The following RTN3 variants were observed in gnomAD, a reference collection of about 807,000 sequenced individuals.
RTN3 encodes the protein reticulon-3.
RTN3 carries 49 observed loss-of-function variants against 77.8 expected under a neutral mutation model. The observed-to-expected ratio is 0.63, with a 90% CI of 0.50 to 0.80. RTN3 has a LOEUF of 0.80. Ranked by LOEUF, RTN3 falls within the 30% of genes least tolerant of loss-of-function variation. The pLI is 0.00. For missense variants in RTN3, 1,236 were observed against 1,211.9 expected (o/e 1.02, Z -0.29); for synonymous variants, 464 against 446.9 (o/e 1.04, Z -0.48).
At chr11:63,700,458 AT>A (rs1237737838) in intron 1 of RTN3, among the ~76,000 whole-genome samples, 1 of 146,414 alleles carries the variant, frequency 6.8e-6, no homozygotes, top group Admixed American at 6.8e-5. Context: ...TTTTTTTTTA[AT>A]TTTTTGTGGA....
At chr11:63,744,529 AGTGC>A (rs2013683945) in intron 3 of RTN3, among the ~76,000 whole-genome samples, 2 of 152,182 alleles carry the variant, frequency 1.3e-5, no homozygotes, top group African/African-American at 4.8e-5. Context: ...AGTGTGGTAC[AGTGC>A]TTAGTATTTG....
chr11:63,704,621 A>G (rs978505005), intron 1 of RTN3, among the ~76,000 whole-genome samples: 1 of 139,448 alleles, frequency 7.2e-6, no homozygotes, highest in Non-Finnish European at 1.5e-5. Flanking sequence ...ATGTTTGACT[A>G]AAAAAAAAAA....
chr11:63,758,150 C>A lies in RTN3; in HGVS notation c.3054-6C>A. The A allele has an allele frequency of 1.3e-6, 2 of 1,581,344 alleles. No homozygotes were observed. The highest frequency in any genetic ancestry group is 1.2e-5 in the South Asian group (1 of 86,230). On this transcript the variant is annotated splice_region_variant and splice_polypyrimidine_tract_variant and intron_variant, in intron 8 of 8. Transcript: ENST00000377819. The stretch of plus-strand genomic sequence containing the variant: ...TTCTTTCTTTTTCCCCTCCTTTTCT[C>A]AATAGGATCCAAGCAAAACTCCCTG...
chr11:63,725,760 A>G (rs2012217668), intron 3 of RTN3, among the ~76,000 whole-genome samples: 1 of 152,048 alleles, frequency 6.6e-6, no homozygotes, highest in Admixed American at 6.6e-5. Flanking sequence ...CCTTAAGTTA[A>G]CGTTGTTATA....
chr11:63,691,039 C>T (rs2134641100), intron 1 of RTN3, among the ~76,000 whole-genome samples: 1 of 151,672 alleles, frequency 6.6e-6, no homozygotes, highest in African/African-American at 2.4e-5. Flanking sequence ...TCCCTCCCCT[C>T]AATTCTCTGA....
At chr11:63,682,322 G>GTT (rs201365679) in intron 1 of RTN3, among the ~76,000 whole-genome samples, 1 of 151,884 alleles carries the variant, frequency 6.6e-6, no homozygotes, top group African/African-American at 2.4e-5. Flanking sequence ...ATTGTAGCCT[G>GTT]TTTTTTTTGT....
At chr11:63,755,875 C>A (rs973524463) in intron 7 of RTN3, among the ~76,000 whole-genome samples, 1 of 151,540 alleles carries the variant, frequency 6.6e-6, no homozygotes, top group African/African-American at 2.4e-5. Context: ...AGGAGAATGG[C>A]GTGAACCCGG....
chr11:63,732,109 T>C (rs2012736368), intron 3 of RTN3, among the ~76,000 whole-genome samples: 1 of 151,786 alleles, frequency 6.6e-6, no homozygotes. Flanking sequence ...AAACAAACAA[T>C]AGAAAAAATT....
At chr11:63,710,091 A>G (rs1412712393) in intron 2 of RTN3, among the ~76,000 whole-genome samples, 1 of 152,228 alleles carries the variant, frequency 6.6e-6, no homozygotes, top group Non-Finnish European at 1.5e-5. Flanking sequence ...ATAGATGAGT[A>G]CTAAATCTTT....
rs748850566 is a variant in RTN3, at chr11:63,753,755, C to CTGGCACATTTG, written c.2994+48_2994+49insGGCACATTTGT. ...ATCAAATGTGCCAGTTGATGTATGA[C>CTGGCACATTTG]TAGTTGTAGTTCATTTCTGAGACAT... On this transcript the variant is annotated intron_variant, in intron 7 of 8. Transcript: ENST00000377819. 4 of 1,494,698 alleles carry CTGGCACATTTG rather than the reference C, an allele frequency of 2.7e-6. No individual in the cohort carries two copies. In the African/African-American group the frequency reaches 5.5e-5, roughly 21 times the overall value. The allele number at this position is 1,494,698 out of a possible 1,614,324, so 92.6% of individuals were successfully genotyped here.
intron 3 of RTN3, among the ~76,000 whole-genome samples, chr11:63,748,704 G>A (rs1029247904): frequency 6.7e-5 from 8 of 119,120 alleles, no homozygotes; most frequent in Admixed American, 1.1e-4. Context: ...GTTTCGCTCT[G>A]TCACCCAGAC....
Position 63,750,016 on chromosome 11 carries a change from T to C in RTN3, c.2556T>C (p.Asp852=). Residue 852 remains aspartate, a synonymous_variant, in exon 4 of 9, where the codon GAT becomes GAC. Transcript: ENST00000377819. ...TGCACGATCTGATTTTCTGGAGAGA[T>C]GTGAAGAAGACTGGGTTTGTCTTTG... is the stretch of plus-strand genomic sequence containing the variant. The part of the protein sequence containing the change: ...FSVHDLIFWR[D]VKKTGFVFGT... 6.2e-7 allele frequency: 1 copy of C among 1,613,880 alleles called. No homozygotes were observed.
At chr11:63,684,413 C>T (rs1042962103) in intron 1 of RTN3, among the ~76,000 whole-genome samples, 73 of 152,042 alleles carry the variant, frequency 4.8e-4, no homozygotes, top group African/African-American at 1.7e-3. Flanking sequence ...TCCCAAAATG[C>T]TGGGAATACA....
chr11:63,710,772 C>A (rs879573292), intron 2 of RTN3, among the ~76,000 whole-genome samples: 3 of 152,136 alleles, frequency 2.0e-5, no homozygotes, highest in Non-Finnish European at 2.9e-5. Context: ...GATTCCTGAG[C>A]TCTGTCCTCC....
At chr11:63,753,323 T>C (rs575246317) in intron 6 of RTN3, among the ~76,000 whole-genome samples, 185 bp downstream of exon 6, 25 of 152,350 alleles carry the variant, frequency 1.6e-4, no homozygotes, top group African/African-American at 5.5e-4. Flanking sequence ...GTCTCAGTTA[T>C]AAATTAAGAA....
rs757398563 is a variant in RTN3 at position 63,719,132 on chromosome 11, C to G, written c.630C>G (p.Ala210=). The G allele has an allele frequency of 6.2e-7, 1 of 1,614,044 alleles. No individual in the cohort carries two copies. The highest frequency in any genetic ancestry group is 8.5e-7 in the Non-Finnish European group (1 of 1,180,012). Residue 210 remains alanine, a synonymous_variant, in exon 3 of 9, where the codon GCC becomes GCG. Coordinates refer to ENST00000377819, the MANE Select transcript of RTN3 (RefSeq NM_001265589.2). ...ATGACAGATTCACTTTGCTGACAGC[C>G]CAGAAACCACCTACTGAGTACTCTA... ...DADDRFTLLT[A]QKPPTEYSKV...
intron 1 of RTN3, among the ~76,000 whole-genome samples, chr11:63,688,574 G>T (rs1319434873): frequency 6.6e-6 from 1 of 152,006 alleles, no homozygotes; most frequent in Non-Finnish European, 1.5e-5. Context: ...CACAAGTAAT[G>T]GAACCACTCT....
intron 2 of RTN3, among the ~76,000 whole-genome samples, chr11:63,711,003 G>C (rs1272616155): frequency 6.6e-6 from 1 of 152,198 alleles, no homozygotes; most frequent in Non-Finnish European, 1.5e-5. Flanking sequence ...TACTGGCTGG[G>C]TGTGGTGGCT....
At position 63,720,031 on chromosome 11, in the gene RTN3, C is replaced by A. The variant is rs768384794; in HGVS notation, c.1529C>A (p.Ala510Glu). The A allele has an allele frequency of 6.2e-7, 1 of 1,614,096 alleles. No individual in the cohort carries two copies. The highest frequency in any genetic ancestry group is 8.5e-7 in the Non-Finnish European group (1 of 1,180,026). Residue 510 changes from alanine (A) to glutamate (E), a missense_variant, in exon 3 of 9, where the codon GCA becomes GAA. By Grantham distance (107) the Ala-to-Glu change is moderately radical. Around this residue, in one of 3 missense-constraint regions of RTN3, gnomAD observed 1,056 missense variants for 990.4 expected, o/e 1.07. Transcript: ENST00000377819. ...SDDTVIEDIT[A>E]DTSFENNKIQ... ...GACACAGTAATAGAGGACATCACAGCAGATACATCATTTGAAAATAACAAA... is the reference window on the plus strand; with the variant it reads ...GACACAGTAATAGAGGACATCACAGAAGATACATCATTTGAAAATAACAAA...
Sources: gnomAD v4.1 joint callset for allele counts (sites outside exome capture counted in the v4.1 genomes callset) on GRCh38, gnomAD v4.1.1 for gene constraint, gnomAD v4.1.1 regional missense constraint, MANE v1.5 for transcripts, NCBI Gene and HGNC (gene_info 2026-07-23, HGNC 2026-07-21) for gene names.